The following DNAAF2 variants were observed in gnomAD, a reference collection of about 807,000 sequenced individuals.
The protein encoded by DNAAF2 is protein kintoun.
DNAAF2 carries 58 observed loss-of-function variants against 48.8 expected under a neutral mutation model. That is an observed-to-expected ratio of 1.19 (90% confidence interval 0.96 to 1.48). DNAAF2 has a LOEUF of 1.48. DNAAF2 is among the 40% of genes most tolerant of loss of function. DNAAF2 has a pLI of 0.00. For missense variants in DNAAF2, 1,241 were observed against 1,116.1 expected (o/e 1.11, Z -1.59); for synonymous variants, 567 against 481.2 (o/e 1.18, Z -2.33).
In DNAAF2 at chr14:49,633,949, C is replaced by T. The variant is rs1309376977; in HGVS notation, c.1201G>A (p.Asp401Asn). The change falls in exon 1 of 3, where the codon GAT becomes AAT. Residue 401 changes from aspartate to asparagine, a missense_variant. Physicochemically the swap from Asp to Asn is conservative, Grantham distance 23. Transcript: ENST00000298292. ...CCCGCAGCCCCAGCCACGCAGGTAT[C>T]GTGGCCTCCGTCCTCCGCGCGACTC... ...ARSRAEDGGHDTCVAGAAGSG... is the reference protein window; with the variant it reads ...ARSRAEDGGHNTCVAGAAGSG... 2 of 1,530,436 alleles carry T rather than the reference C, an allele frequency of 1.3e-6. No homozygotes were observed. Among genetic ancestry groups the T allele is most frequent in the Non-Finnish European group, 1.7e-6 (2 of 1,144,836 alleles). 94.8% of individuals were successfully genotyped at this position (1,530,436 alleles called of 1,614,324 possible). A position where few individuals can be genotyped will look rare whatever the true frequency, so the allele number is the denominator to read the frequency against.
chr14:49,627,285 A>G (rs533500418), intron 2 of DNAAF2, among the ~76,000 whole-genome samples: 1 of 152,264 alleles, frequency 6.6e-6, no homozygotes, highest in East Asian at 1.9e-4. Context: ...CTTCTAATAC[A>G]TATGTCTGTC....
rs1185071018 is a variant in DNAAF2 at position 49,633,466 on chromosome 14, A to G, written c.1684T>C (p.Ser562Pro). 2 of 1,613,950 alleles carry G rather than the reference A, an allele frequency of 1.2e-6. No individual in the cohort carries two copies. Among genetic ancestry groups the G allele is most frequent in the African/African-American group, 1.3e-5 (1 of 74,944 alleles). The change falls in exon 1 of 3, where the codon TCC becomes CCC. Residue 562 changes from serine (S) to proline (P), a missense_variant. Coordinates refer to ENST00000298292, the MANE Select transcript of DNAAF2 (RefSeq NM_018139.3). ...AAGGAATAAACTAAGTCTTGTGCGG[A>G]GAAGCGTAATTTGTACCAGAGGGGA... ...LNPLWYKLRF[S>P]AQDLVYSFFL...
Position 49,634,664 on chromosome 14 carries a change from C to G in DNAAF2, c.486G>C (p.Gln162His). ...CCTCCAGGGCCGTGGCGTCCAGCAT[C>G]TGGCGGAAGCCCTCGTGCCGCCGGG... ...ALARRHEGFRQMLDATALEAV... is the reference protein window; with the variant it reads ...ALARRHEGFRHMLDATALEAV... Residue 162 changes from glutamine to histidine, a missense_variant, in exon 1 of 3, where the codon CAG becomes CAC. Coordinates refer to ENST00000298292, the MANE Select transcript of DNAAF2 (RefSeq NM_018139.3). 6.2e-7 allele frequency: 1 copy of G among 1,606,732 alleles called. No homozygotes were observed. Among genetic ancestry groups the G allele is most frequent in the Non-Finnish European group, 8.5e-7 (1 of 1,179,716 alleles).
At position 49,626,001 on chromosome 14, in the gene DNAAF2, T is replaced by G. The variant is rs990607749; in HGVS notation, c.2055A>C (p.Arg685Ser). ...NSDQLQGKEE[R>S]VNEESHLTEK... ...CAGTTAGATGACTTTCTTCATTTAC[T>G]CTTTCCTCCTTTCCTTGTAGCTGAT... The change falls in exon 3 of 3, where the codon AGA (arginine) becomes AGC (serine). Residue 685 changes from arginine to serine, a missense_variant. Coordinates refer to ENST00000298292, the MANE Select transcript of DNAAF2 (RefSeq NM_018139.3). 6.3e-7 allele frequency: 1 copy of G among 1,583,126 alleles called. No homozygotes were observed. Among genetic ancestry groups the G allele is most frequent in the African/African-American group, 1.3e-5 (1 of 74,346 alleles).
rs147090213 is a variant in DNAAF2, at chr14:49,633,299, G to A, written c.1851C>T (p.Asn617=). 6.3e-4 allele frequency: 1,019 copies of A among 1,613,060 alleles called. 8 individuals are homozygous for A. The African/African-American group carries it at 0.012, about 19-fold the overall frequency. Residue 617 remains asparagine (N), a synonymous_variant, in exon 1 of 3, where the codon AAC becomes AAT. Coordinates refer to ENST00000298292, the MANE Select transcript of DNAAF2 (RefSeq NM_018139.3). ...HWREWYYGVN[N]DSLEERLFVN... Reference sequence around the variant, plus strand: ...AAAGAACTGTTACCTCCAAAGAATCGTTGTTTACACCATAATACCACTCTC... The same window carrying A: ...AAAGAACTGTTACCTCCAAAGAATCATTGTTTACACCATAATACCACTCTC...
chr14:49,633,040 G>C (rs376530635), intron 1 of DNAAF2, among the ~76,000 whole-genome samples: 155 of 152,088 alleles, frequency 1.0e-3, no homozygotes, highest in African/African-American at 3.6e-3. Context: ...TCCTGCCTCA[G>C]CCTCCCGAGC....
In DNAAF2 at chr14:49,625,613, G is replaced by A; in HGVS notation, c.2443C>T (p.Gln815Ter). ...KETNMQDGSV[Q>*]VIKDHVTNCA... ...TTGGTCACATGATCTTTAATGACCT[G>A]CACACTACCATCCTGCATATTGGTT... Residue 815 changes from glutamine to a stop codon, truncating the protein, a stop_gained, in exon 3 of 3, where the codon CAG becomes TAG. Coordinates refer to ENST00000298292, the MANE Select transcript of DNAAF2 (RefSeq NM_018139.3). LOFTEE classifies it high-confidence loss of function. The A allele has an allele frequency of 3.7e-6, 6 of 1,613,294 alleles. No homozygotes were observed. Among genetic ancestry groups the A allele is most frequent in the Non-Finnish European group, 5.1e-6 (6 of 1,179,622 alleles).
Position 49,634,029 on chromosome 14 carries a change from C to G in DNAAF2, c.1121G>C (p.Gly374Ala), listed in dbSNP as rs1281311418. Reference protein sequence around the residue: ...AAPEESADRSGTDGQACASAR... With the variant: ...AAPEESADRSATDGQACASAR... ...GGAAGCGCAGGCCTGGCCGTCAGTTCCGGACCGGTCCGCGGACTCTTCCGG... is the reference window on the plus strand; with the variant it reads ...GGAAGCGCAGGCCTGGCCGTCAGTTGCGGACCGGTCCGCGGACTCTTCCGG... The change falls in exon 1 of 3, where the codon GGA becomes GCA. Residue 374 changes from glycine to alanine, a missense_variant. By Grantham distance (60) the Gly-to-Ala change is moderately conservative. Coordinates refer to ENST00000298292, the MANE Select transcript of DNAAF2 (RefSeq NM_018139.3). 6.6e-7 allele frequency: 1 copy of G among 1,520,206 alleles called. No homozygotes were observed. The highest frequency in any genetic ancestry group is 2.1e-5 in the Admixed American group (1 of 48,128). The allele number at this position is 1,520,206 out of a possible 1,614,324, so 94.2% of individuals were successfully genotyped here.
At position 49,633,349 on chromosome 14, in the gene DNAAF2, A is replaced by AT. The variant is rs1234616711; in HGVS notation, c.1800dup (p.Ser601IlefsTer28). On this transcript the variant is annotated frameshift_variant, in exon 1 of 3. Transcript: ENST00000298292. LOFTEE classifies it high-confidence loss of function. The stretch of plus-strand genomic sequence containing the variant: ...CTCCAATGTCCATGGCTCTCTGGAG[A>AT]TTTTGCCAGTTCTATCACTGCATTG... 1.9e-6 allele frequency: 3 copies of AT among 1,613,894 alleles called. No homozygotes were observed. In the African/African-American group the frequency reaches 4.0e-5, roughly 22 times the overall value.
At chr14:49,629,825 G>C (rs1409617660) in intron 1 of DNAAF2, 3 of 151,338 alleles carry the variant, frequency 2.0e-5, no homozygotes, top group Non-Finnish European at 4.4e-5. Flanking sequence ...ATATTTTTAA[G>C]CACTGGGATA....
In DNAAF2 at chr14:49,633,839, C is replaced by T. The variant is rs1241384279; in HGVS notation, c.1311G>A (p.Glu437=). 6.4e-7 allele frequency: 1 copy of T among 1,568,614 alleles called. No individual in the cohort carries two copies. ...ACCCCGCGTGCCTGCTCAAGTCCTGCTCCCCCGGCTTGGGGACACGCTCCT... is the reference window on the plus strand; with the variant it reads ...ACCCCGCGTGCCTGCTCAAGTCCTGTTCCCCCGGCTTGGGGACACGCTCCT... ...AGEERVPKPG[E]QDLSRHAGSP... is the part of the protein sequence containing the mutation. The change falls in exon 1 of 3, where the codon GAG becomes GAA. Residue 437 remains glutamate (E), a synonymous_variant. Coordinates refer to ENST00000298292, the MANE Select transcript of DNAAF2 (RefSeq NM_018139.3).
At position 49,635,153 on chromosome 14, in the gene DNAAF2, G is replaced by A; in HGVS notation, c.-4C>T. The A allele has an allele frequency of 6.4e-7, 1 of 1,556,116 alleles. No homozygotes were observed. Among genetic ancestry groups the A allele is most frequent in the Non-Finnish European group, 8.7e-7 (1 of 1,150,316 alleles). ...AGGAGGCCGCCGCTTTGGCCATACT[G>A]TCCTGTGGCTCCTCGCCCTCGGGCC... On this transcript the variant is annotated 5_prime_UTR_variant, in exon 1 of 3. Coordinates refer to ENST00000298292, the MANE Select transcript of DNAAF2 (RefSeq NM_018139.3).
rs1245623100 is a variant in DNAAF2 at position 49,633,320 on chromosome 14, C to A, written c.1830G>T (p.Glu610Asp). 2 of 1,614,004 alleles carry A rather than the reference C, an allele frequency of 1.2e-6. No individual in the cohort carries two copies. Among genetic ancestry groups the A allele is most frequent in the South Asian group, 2.2e-5 (2 of 91,082 alleles). ...KSPESHGHWR[E>D]WYYGVNNDSL... ...AATCGTTGTTTACACCATAATACCACTCTCTCCAATGTCCATGGCTCTCTG... is the reference window on the plus strand; with the variant it reads ...AATCGTTGTTTACACCATAATACCAATCTCTCCAATGTCCATGGCTCTCTG... The change falls in exon 1 of 3, where the codon GAG (glutamate) becomes GAT (aspartate). Residue 610 changes from glutamate to aspartate, a missense_variant. Coordinates refer to ENST00000298292, the MANE Select transcript of DNAAF2 (RefSeq NM_018139.3).
At position 49,633,566 on chromosome 14, in the gene DNAAF2, A is replaced by T. The variant is rs144077436; in HGVS notation, c.1584T>A (p.Asn528Lys). The change falls in exon 1 of 3, where the codon AAT becomes AAA. Residue 528 changes from asparagine (N) to lysine (K), a missense_variant. Transcript: ENST00000298292. ...GEPLCPPLLC[N>K]QDKETLTLLI... ...GCAGAGTCAAGGTTTCTTTGTCCTG[A>T]TTACACAGTAACGGAGGACACAAAG... 1,462 of 1,613,980 alleles carry T rather than the reference A, an allele frequency of 9.1e-4. 12 individuals carry two copies. Among genetic ancestry groups the T allele is most frequent in the South Asian group, 6.5e-3 (593 of 91,084 alleles).
In DNAAF2 at chr14:49,625,601, C is replaced by G. The variant is rs1402029192; in HGVS notation, c.2455G>C (p.Asp819His). The change falls in exon 3 of 3, where the codon GAT becomes CAT. Residue 819 changes from aspartate to histidine, a missense_variant. By Grantham distance (81) the Asp-to-His change is moderately conservative (BLOSUM62 -1). Transcript: ENST00000298292. ...CTGAATGCACAATTGGTCACATGAT[C>G]TTTAATGACCTGCACACTACCATCC... is the stretch of plus-strand genomic sequence containing the variant. ...MQDGSVQVIK[D>H]HVTNCAFSFQ... The G allele has an allele frequency of 6.2e-7, 1 of 1,610,840 alleles. No homozygotes were observed. Among genetic ancestry groups the G allele is most frequent in the Non-Finnish European group, 8.5e-7 (1 of 1,178,970 alleles).
intron 1 of DNAAF2, among the ~76,000 whole-genome samples, chr14:49,631,002 G>A (rs1333516763): frequency 6.6e-6 from 1 of 152,144 alleles, no homozygotes; most frequent in Non-Finnish European, 1.5e-5. Context: ...GCCTGCTTCA[G>A]TCTCCCAAAG....
chr14:49,633,991 C>G lies in DNAAF2; in HGVS notation c.1159G>C (p.Glu387Gln). Residue 387 changes from glutamate (E) to glutamine (Q), a missense_variant, in exon 1 of 3, where the codon GAG (glutamate) becomes CAG (glutamine). Glu to Gln is a conservative substitution (Grantham distance 29). Coordinates refer to ENST00000298292, the MANE Select transcript of DNAAF2 (RefSeq NM_018139.3). Reference sequence around the variant, plus strand: ...GCGCGACTCCTCGCGGGTCCCGCCTCCCCCTCGCGAGCGGAAGCGCAGGCC... The same window carrying G: ...GCGCGACTCCTCGCGGGTCCCGCCTGCCCCTCGCGAGCGGAAGCGCAGGCC... The part of the protein sequence containing the change: ...GQACASAREG[E>Q]AGPARSRAED... The G allele has an allele frequency of 2.0e-6, 3 of 1,523,808 alleles. No homozygotes were observed. Among genetic ancestry groups the G allele is most frequent in the Non-Finnish European group, 2.6e-6 (3 of 1,142,018 alleles). 94.4% of individuals were successfully genotyped at this position (1,523,808 alleles called of 1,614,324 possible).
Position 49,634,766 on chromosome 14 carries a change from G to A in DNAAF2, c.384C>T (p.Gly128=), listed in dbSNP as rs200484042. 1.3e-6 allele frequency: 2 copies of A among 1,593,676 alleles called. No individual in the cohort carries two copies. The highest frequency in any genetic ancestry group is 1.7e-5 in the Admixed American group (1 of 57,690). Residue 128 remains glycine (G), a synonymous_variant, in exon 1 of 3, where the codon GGC becomes GGT. Transcript: ENST00000298292. ...HWSLPYSLAP[G]REYAGRSSSR... Reference sequence around the variant, plus strand: ...TGCTGCTGCGCCCCGCGTACTCGCGGCCGGGCGCCAGGCTGTAGGGCAGGG... The same window carrying A: ...TGCTGCTGCGCCCCGCGTACTCGCGACCGGGCGCCAGGCTGTAGGGCAGGG...
Position 49,625,827 on chromosome 14 carries a change from A to C in DNAAF2, c.2229T>G (p.Ser743=). 1 of 1,608,874 alleles carries C rather than the reference A, an allele frequency of 6.2e-7. No homozygotes were observed. Among genetic ancestry groups the C allele is most frequent in the Non-Finnish European group, 8.5e-7 (1 of 1,178,508 alleles). Reference sequence around the variant, plus strand: ...ATTGCATTTTTGACTCAGGTTGCTGAGATTTTCCAAGTATCATTTGAGAAA... The same window carrying C: ...ATTGCATTTTTGACTCAGGTTGCTGCGATTTTCCAAGTATCATTTGAGAAA... ...LDVSQMILGK[S]QQPESKMQSE... is the part of the protein sequence containing the mutation. The change falls in exon 3 of 3, where the codon TCT becomes TCG. Residue 743 remains serine, a synonymous_variant. Transcript: ENST00000298292.
Sources: gnomAD v4.1 joint callset for allele counts (sites outside exome capture counted in the v4.1 genomes callset) on GRCh38, gnomAD v4.1.1 for gene constraint, MANE v1.5 for transcripts, NCBI Gene and HGNC (gene_info 2026-07-23, HGNC 2026-07-21) for gene names.